The following POLG variants were observed in gnomAD, a reference collection of about 807,000 sequenced individuals.
The protein encoded by POLG is DNA polymerase gamma, catalytic subunit, also known as DNA polymerase subunit gamma-1.
A neutral mutation model predicts 155.4 loss-of-function variants in POLG; 110 were observed. The ratio of observed to expected loss-of-function variants is 0.71; its 90% CI spans 0.61 to 0.83. POLG has a LOEUF of 0.83. Ranked by LOEUF, POLG falls within the 40% of genes least tolerant of loss-of-function variation. The pLI is 0.00. For missense variants in POLG, 1,685 were observed against 1,627.5 expected, an observed-to-expected ratio of 1.04 and a Z score of -0.61; for synonymous variants, 701 against 631.5, an observed-to-expected ratio of 1.11 and a Z score of -1.65.
intron 10 of POLG, among the ~76,000 whole-genome samples, chr15:89,325,065 T>TGAGAGAGA (rs1555453288): frequency 1.1e-5 from 1 of 87,924 alleles, no homozygotes; most frequent in African/African-American, 5.7e-5. Context: ...AGAGAGTGAG[T>TGAGAGAGA]GAGTGAGTGA....
chr15:89,316,450 G>GA lies in POLG; in HGVS notation c.*300dup, dbSNP rs1245705221. ...ACAAAGAACCAGCCAAGAAGAAAAGGAAAAAATAAATGAAATGCCTGAGTT... is the reference window on the plus strand; with the variant it reads ...ACAAAGAACCAGCCAAGAAGAAAAGGAAAAAAATAAATGAAATGCCTGAGTT... On this transcript the variant is annotated 3_prime_UTR_variant, in exon 23 of 23. Coordinates refer to ENST00000268124, the MANE Select transcript of POLG (RefSeq NM_002693.3). 5 of 1,610,654 alleles carry GA rather than the reference G, an allele frequency of 3.1e-6. No individual in the cohort carries two copies. The highest frequency in any genetic ancestry group is 2.2e-5 in the South Asian group (2 of 90,504).
At chr15:89,331,941 A>G (rs755934289) in intron 2 of POLG, among the ~76,000 whole-genome samples, 6 of 152,238 alleles carry the variant, frequency 3.9e-5, no homozygotes, top group South Asian at 2.1e-4. Context: ...AAGGAGAGGT[A>G]AAAAGAGAGA....
chr15:89,319,311 C>A lies in POLG; in HGVS notation c.3021G>T (p.Glu1007Asp). 1 of 1,614,182 alleles carries A rather than the reference C, an allele frequency of 6.2e-7. No individual in the cohort carries two copies. Among genetic ancestry groups the A allele is most frequent in the Non-Finnish European group, 8.5e-7 (1 of 1,180,032 alleles). ...LSDEGEWLVR[E>D]LNLPVDRTEG... ...CAGTCCTGTCCACTGGGAGGTTCAA[C>A]TCCCTCACCAGCCACTCGCCCTCAT... Residue 1007 changes from glutamate (E) to aspartate (D), a missense_variant, in exon 19 of 23, where the codon GAG becomes GAT. Physicochemically the swap from Glu to Asp is conservative, Grantham distance 45. This residue lies in a region of POLG where 470 missense variants were observed against 439.9 expected (regional missense o/e 1.07). Transcript: ENST00000268124.
chr15:89,327,377 TA>T, intron 6 of POLG, 28 bp from the exon 7 acceptor site: 2 of 1,609,258 alleles, frequency 1.2e-6, no homozygotes, highest in Non-Finnish European at 1.7e-6. Flanking sequence ...GGAGCTGCCA[TA>T]AATGACCACA....
chr15:89,321,039 GC>G (rs1195894094), intron 17 of POLG, 27 bp from the exon 18 acceptor site: 1 of 1,614,006 alleles, frequency 6.2e-7, no homozygotes, highest in Non-Finnish European at 8.5e-7. Flanking sequence ...AGTGAGAAAA[GC>G]AGCTCAGGAA....
intron 16 of POLG, among the ~76,000 whole-genome samples, chr15:89,321,464 A>G (rs1463557752): frequency 2.0e-5 from 3 of 152,208 alleles, no homozygotes; most frequent in South Asian, 4.1e-4. Context: ...GCCTAGCGCT[A>G]TGCCAGACCC....
At chr15:89,317,079 T>A in intron 22 of POLG, 1 of 590,672 alleles carries the variant, frequency 1.7e-6, no homozygotes, top group Non-Finnish European at 3.0e-6. Flanking sequence ...TGTTTTTCTG[T>A]CACCTATAGA....
chr15:89,328,310 A>C (rs2055549298), intron 6 of POLG, 146 bp downstream of exon 6: 1 of 702,548 alleles, frequency 1.4e-6, no homozygotes, highest in African/African-American at 1.8e-5. Flanking sequence ...CCAGATGGAC[A>C]CCACTGAACA....
In POLG at chr15:89,318,919, G is replaced by A; in HGVS notation, c.3273+12C>T. On this transcript the variant is annotated intron_variant, in intron 20 of 22. Coordinates refer to ENST00000268124, the MANE Select transcript of POLG (RefSeq NM_002693.3). ...GGGCCCCTCTGCCCATGCTCCAAAG[G>A]TAGCAAGATACCTCTTCCTGGACAG... The A allele has an allele frequency of 6.2e-7, 1 of 1,613,996 alleles. No individual in the cohort carries two copies. Among genetic ancestry groups the A allele is most frequent in the African/African-American group, 1.3e-5 (1 of 75,024 alleles).
Position 89,317,480 on chromosome 15 carries a change from A to G in POLG, c.3539T>C (p.Phe1180Ser). ...GCACCGGTCAATATCGACTGCACTG[A>G]AAAAGGCGACTGACTGGGGCAAGTC... Reference protein sequence around the residue: ...LNDLPQSVAFFSAVDIDRCLR... With the variant: ...LNDLPQSVAFSSAVDIDRCLR... Residue 1180 changes from phenylalanine (F) to serine (S), a missense_variant, in exon 22 of 23, where the codon TTC (phenylalanine) becomes TCC (serine). Transcript: ENST00000268124. The G allele has an allele frequency of 6.2e-7, 1 of 1,613,538 alleles. No homozygotes were observed. The highest frequency in any genetic ancestry group is 8.5e-7 in the Non-Finnish European group (1 of 1,179,456).
intron 10 of POLG, 40 bp downstream of exon 10, chr15:89,325,410 C>A (rs905671780): frequency 7.0e-7 from 1 of 1,430,148 alleles, no homozygotes; most frequent in South Asian, 1.1e-5. Flanking sequence ...GAAGGGGTCC[C>A]TAGGCTCCAG....
Position 89,333,902 on chromosome 15 carries a change from C to G in POLG, c.-148G>C. 2 of 864,854 alleles carry G rather than the reference C, an allele frequency of 2.3e-6. No individual in the cohort carries two copies. Among genetic ancestry groups the G allele is most frequent in the South Asian group, 3.1e-5 (2 of 65,174 alleles). 53.6% of individuals were successfully genotyped at this position (864,854 alleles called of 1,614,324 possible). A position where few individuals can be genotyped will look rare whatever the true frequency, so the allele number is the denominator to read the frequency against. The stretch of plus-strand genomic sequence containing the variant: ...AAATGGGTTTGACCATGCCTGCCTT[C>G]CACCCCAAATCCTAAAGGAGACAGA... On this transcript the variant is annotated 5_prime_UTR_variant, in exon 2 of 23. Transcript: ENST00000268124.
At chr15:89,334,183 C>T (rs1293388723) in intron 1 of POLG, among the ~76,000 whole-genome samples, 1 of 152,220 alleles carries the variant, frequency 6.6e-6, no homozygotes, top group Non-Finnish European at 1.5e-5. Flanking sequence ...GTTTTGAACC[C>T]CGCTTCTGGC....
Position 89,333,203 on chromosome 15 carries a change from G to A in POLG, c.552C>T (p.Ala184=). The A allele has an allele frequency of 6.4e-7, 1 of 1,574,458 alleles. No homozygotes were observed. Among genetic ancestry groups the A allele is most frequent in the Non-Finnish European group, 8.6e-7 (1 of 1,156,720 alleles). ...GCTCCTCGGGGATGGCCACGGGTAC[G>A]GCCTCCCCCTCGGGGCCGTACCGGG... ...GWTRYGPEGE[A]VPVAIPEERA... is the part of the protein sequence containing the mutation. The change falls in exon 2 of 23, where the codon GCC becomes GCT. Residue 184 remains alanine, a synonymous_variant. Coordinates refer to ENST00000268124, the MANE Select transcript of POLG (RefSeq NM_002693.3).
rs773717921 is a variant in POLG, at chr15:89,325,249, A to AGTGAGTGAGT, written c.1949+200_1949+201insACTCACTCAC. On this transcript the variant is annotated intron_variant, in intron 10 of 22. Transcript: ENST00000268124. Reference sequence around the variant, plus strand: ...GAGTGAGTGAGAGAGTGAGTGAGTGAGAGAGAGAGTGAGTGAGTGAGTGAG... The same window carrying AGTGAGTGAGT: ...GAGTGAGTGAGAGAGTGAGTGAGTGAGTGAGTGAGTGAGAGAGAGTGAGTGAGTGAGTGAG... Among the ~76,000 whole-genome samples, 3 of 96,926 alleles carry AGTGAGTGAGT rather than the reference A, an allele frequency of 3.1e-5. 1 individual carries two copies. Among genetic ancestry groups the AGTGAGTGAGT allele is most frequent in the African/African-American group, 1.9e-4 (3 of 15,744 alleles). The allele number at this position is 96,926 out of a possible 152,430, so 63.6% of individuals were successfully genotyped here. A position where few individuals can be genotyped will look rare whatever the true frequency, so the allele number is the denominator to read the frequency against.
At chr15:89,325,149 AGTGAGTGAGT>A (rs2055477909) in intron 10 of POLG, among the ~76,000 whole-genome samples, 1 of 86,702 alleles carries the variant, frequency 1.2e-5, no homozygotes, top group African/African-American at 4.8e-5. Context: ...TGAGAGAGTG[AGTGAGTGAGT>A]GAGTGAGTGA....
Position 89,316,435 on chromosome 15 carries a change from A to G in POLG, c.*316T>C. On this transcript the variant is annotated 3_prime_UTR_variant, in exon 23 of 23. Transcript: ENST00000268124. Reference sequence around the variant, plus strand: ...AGCATGGGGGACAGAACAAAGAACCAGCCAAGAAGAAAAGGAAAAAATAAA... The same window carrying G: ...AGCATGGGGGACAGAACAAAGAACCGGCCAAGAAGAAAAGGAAAAAATAAA... 1 of 1,611,710 alleles carries G rather than the reference A, an allele frequency of 6.2e-7. No homozygotes were observed. The highest frequency in any genetic ancestry group is 8.5e-7 in the Non-Finnish European group (1 of 1,178,514).
Position 89,326,615 on chromosome 15 carries a change from G to C in POLG, c.1709C>G (p.Pro570Arg), listed in dbSNP as rs780695124. ...PKRPQHLPGH[P>R]GWYRKLCPRL... The stretch of plus-strand genomic sequence containing the variant: ...GCTGGGGGTGGGCAGGGCTCACCCA[G>C]GGTGTCCAGGAAGGTGCTGGGGCCG... Residue 570 changes from proline to arginine, a missense_variant, in exon 9 of 23, where the codon CCT becomes CGT. By Grantham distance (103) the Pro-to-Arg change is moderately radical. Transcript: ENST00000268124. The C allele has an allele frequency of 6.2e-7, 1 of 1,613,692 alleles. No homozygotes were observed. Among genetic ancestry groups the C allele is most frequent in the Non-Finnish European group, 8.5e-7 (1 of 1,179,994 alleles).
At position 89,333,883 on chromosome 15, in the gene POLG, G is replaced by T; in HGVS notation, c.-129C>A. The T allele has an allele frequency of 8.9e-7, 1 of 1,126,652 alleles. No homozygotes were observed. Among genetic ancestry groups the T allele is most frequent in the Non-Finnish European group, 1.3e-6 (1 of 783,216 alleles). The allele number at this position is 1,126,652 out of a possible 1,614,324, so 69.8% of individuals were successfully genotyped here. ...CTCTGCTCTCCTGTCAGTGAAATGGGTTTGACCATGCCTGCCTTCCACCCC... is the reference window on the plus strand; with the variant it reads ...CTCTGCTCTCCTGTCAGTGAAATGGTTTTGACCATGCCTGCCTTCCACCCC... On this transcript the variant is annotated 5_prime_UTR_variant, in exon 2 of 23. Transcript: ENST00000268124.
Sources: gnomAD v4.1 joint callset for allele counts (sites outside exome capture counted in the v4.1 genomes callset) on GRCh38, gnomAD v4.1.1 for gene constraint, gnomAD v4.1.1 regional missense constraint, MANE v1.5 for transcripts, NCBI Gene and HGNC (gene_info 2026-07-23, HGNC 2026-07-21) for gene names.